Variants in PROKR2 observed in about 807,000 individuals in gnomAD.
PROKR2 encodes prokineticin receptor 2, also known as G protein-coupled receptor 73-like 1.
Under a neutral mutation model 23.4 loss-of-function variants are expected in PROKR2, and 26 were observed. The observed-to-expected ratio is 1.11, with a 90% CI of 0.81 to 1.54. PROKR2 has a LOEUF of 1.54. PROKR2 is among the 40% of genes most tolerant of loss of function. The pLI, the probability that PROKR2 is intolerant of heterozygous loss-of-function variation, is 0.00. For missense variants in PROKR2, 453 were observed against 511.5 expected (o/e 0.89, Z 1.10); for synonymous variants, 212 against 201.2 (o/e 1.05, Z -0.45).
chr20:5,302,030 C>T lies in PROKR2; in HGVS notation c.*10G>A. The T allele has an allele frequency of 6.2e-7, 1 of 1,612,400 alleles. No homozygotes were observed. On this transcript the variant is annotated 3_prime_UTR_variant, in exon 3 of 3. Coordinates refer to ENST00000678254, the MANE Select transcript of PROKR2 (RefSeq NM_144773.4). ...TGGACTGGGGTTTTCAATTGTGTGA[C>T]ACCAGTGGGTCACTTCAGCCTGATA... is the stretch of plus-strand genomic sequence containing the variant.
rs143268508 is a variant in PROKR2 at position 5,301,430 on chromosome 20, C to G, written c.*610G>C. Among the ~76,000 whole-genome samples, 776 of 152,262 alleles carry G rather than the reference C, an allele frequency of 5.1e-3. 10 individuals are homozygous for G. Among genetic ancestry groups the G allele is most frequent in the African/African-American group, 0.018 (738 of 41,530 alleles). On this transcript the variant is annotated 3_prime_UTR_variant, in exon 3 of 3. Transcript: ENST00000678254. ...TATTTTTAGTAGAGACAGGGTTTCACCATGTTGGCCAGCCTGGGTTGAACT... is the reference window on the plus strand; with the variant it reads ...TATTTTTAGTAGAGACAGGGTTTCAGCATGTTGGCCAGCCTGGGTTGAACT...
chr20:5,315,468 C>T (rs1303600210), intron 1 of PROKR2, among the ~76,000 whole-genome samples: 1 of 152,084 alleles, frequency 6.6e-6, no homozygotes, highest in Non-Finnish European at 1.5e-5. Flanking sequence ...GCCCAGATCC[C>T]AACACCTATA....
Position 5,301,913 on chromosome 20 carries a change from A to G in PROKR2, c.*127T>C, listed in dbSNP as rs3746680. 595,171 of 800,984 alleles carry G rather than the reference A, an allele frequency of 0.74. 221,746 individuals carry two copies. Among genetic ancestry groups the G allele is most frequent in the Middle Eastern group, 0.79 (3,069 of 3,876 alleles). 49.6% of individuals were successfully genotyped at this position (800,984 alleles called of 1,614,324 possible). A position where few individuals can be genotyped will look rare whatever the true frequency, so the allele number is the denominator to read the frequency against. ...TGTATGTTACGACTTTGCAGCATTC[A>G]GCTTCTTGAGGGCACGGGGGAGGCA... On this transcript the variant is annotated 3_prime_UTR_variant, in exon 3 of 3. Transcript: ENST00000678254.
In PROKR2 at chr20:5,299,360, G is replaced by C. The variant is rs943222260; in HGVS notation, c.*2680C>G. ...AGTTGGTATATTCTAGGACAAAAAG[G>C]AACAGGGTGATGAATCCTGCTGACA... On this transcript the variant is annotated 3_prime_UTR_variant, in exon 3 of 3. Coordinates refer to ENST00000678254, the MANE Select transcript of PROKR2 (RefSeq NM_144773.4). Among the ~76,000 whole-genome samples, 2 of 152,160 alleles carry C rather than the reference G, an allele frequency of 1.3e-5. No homozygotes were observed. The highest frequency in any genetic ancestry group is 4.8e-5 in the African/African-American group (2 of 41,522).
At chr20:5,313,180 A>G (rs1979506927) in intron 2 of PROKR2, among the ~76,000 whole-genome samples, 1 of 152,260 alleles carries the variant, frequency 6.6e-6, no homozygotes, top group Non-Finnish European at 1.5e-5. Context: ...GCAAAAAATA[A>G]AATAATAAAT....
chr20:5,314,046 G>C lies in PROKR2; in HGVS notation c.324C>G (p.Pro108=). 6.2e-7 allele frequency: 1 copy of C among 1,614,216 alleles called. No homozygotes were observed. Among genetic ancestry groups the C allele is most frequent in the East Asian group, 2.2e-5 (1 of 44,882 alleles). ...SDFLVAIICC[P]FEMDYYVVRQ... ...GTACCACGTAGTAGTCCATCTCGAA[G>C]GGGCAGCAGATGATGGCCACCAGGA... is the stretch of plus-strand genomic sequence containing the variant. Residue 108 remains proline (P), a synonymous_variant, in exon 2 of 3, where the codon CCC becomes CCG. Coordinates refer to ENST00000678254, the MANE Select transcript of PROKR2 (RefSeq NM_144773.4).
rs929729825 is a variant in PROKR2, at chr20:5,316,544, G to C, written c.-59C>G. The C allele has an allele frequency of 4.5e-5, 16 of 359,434 alleles. No individual in the cohort carries two copies. The highest frequency in any genetic ancestry group is 7.2e-5 in the Non-Finnish European group (13 of 179,634). The allele number at this position is 359,434 out of a possible 1,614,324, so 22.3% of individuals were successfully genotyped here. ...GCTCTGCTGCTCCGGAAGCCGGATC[G>C]AGAGTCACAGTGTGGTTGGGCGCAG... is the stretch of plus-strand genomic sequence containing the variant. On this transcript the variant is annotated 5_prime_UTR_variant, in exon 1 of 3. Transcript: ENST00000678254. The surrounding 1 kb of genome is among the most constrained non-coding windows in gnomAD (Gnocchi z 5.0).
intron 2 of PROKR2, 90 bp from the exon 3 acceptor site, chr20:5,302,826 C>T: frequency 1.1e-6 from 1 of 917,428 alleles, no homozygotes; most frequent in Non-Finnish European, 1.8e-6. Context: ...AAAGCAGTGG[C>T]ACAGTGAATC....
rs960426502 is a variant in PROKR2, at chr20:5,301,199, C to A, written c.*841G>T. ...TGTGTCTAAGAGTCTTCTTCTATAG[C>A]CGTTGGTTGTTGTTGTTGTTGTTTT... On this transcript the variant is annotated 3_prime_UTR_variant, in exon 3 of 3. Coordinates refer to ENST00000678254, the MANE Select transcript of PROKR2 (RefSeq NM_144773.4). Among the ~76,000 whole-genome samples the A allele has an allele frequency of 7.2e-6, 1 of 138,486 alleles. No homozygotes were observed. The highest frequency in any genetic ancestry group is 2.7e-5 in the African/African-American group (1 of 36,554). 90.9% of individuals were successfully genotyped at this position (138,486 alleles called of 152,430 possible). A position where few individuals can be genotyped will look rare whatever the true frequency, so the allele number is the denominator to read the frequency against.
rs994572766 is a variant in PROKR2, at chr20:5,300,287, G to A, written c.*1753C>T. ...GACTGTCAACACTTCTAAGACCGCA[G>A]GGATGCTGAGAGTCTTGGGGTCACT... On this transcript the variant is annotated 3_prime_UTR_variant, in exon 3 of 3. Transcript: ENST00000678254. 2.0e-5 allele frequency among the ~76,000 whole-genome samples: 3 copies of A among 152,208 alleles called. No homozygotes were observed. The highest frequency in any genetic ancestry group is 4.4e-5 in the Non-Finnish European group (3 of 68,040).
At position 5,300,334 on chromosome 20, in the gene PROKR2, C is replaced by T. The variant is rs1022468583; in HGVS notation, c.*1706G>A. Among the ~76,000 whole-genome samples the T allele has an allele frequency of 6.6e-6, 1 of 152,084 alleles. No homozygotes were observed. Among genetic ancestry groups the T allele is most frequent in the Non-Finnish European group, 1.5e-5 (1 of 68,014 alleles). ...CACTGAGAATCTGAGGTTAAATTTC[C>T]CAGATTATAACCAAGAACAGGGATC... On this transcript the variant is annotated 3_prime_UTR_variant, in exon 3 of 3. Transcript: ENST00000678254.
rs1428140954 is a variant in PROKR2, at chr20:5,302,512, A to G, written c.683T>C (p.Phe228Ser). 6 of 1,614,242 alleles carry G rather than the reference A, an allele frequency of 3.7e-6. No individual in the cohort carries two copies. The highest frequency in any genetic ancestry group is 2.2e-5 in the South Asian group (2 of 91,088). Reference sequence around the variant, plus strand: ...CACAGGGCCCACGAACTCGACACCAAAGATGAAGAGGAAGTAGGACTTGTA... The same window carrying G: ...CACAGGGCCCACGAACTCGACACCAGAGATGAAGAGGAAGTAGGACTTGTA... ...LYYKSYFLFI[F>S]GVEFVGPVVT... The change falls in exon 3 of 3, where the codon TTT becomes TCT. Residue 228 changes from phenylalanine to serine, a missense_variant. By Grantham distance (155) the Phe-to-Ser change is radical. Transcript: ENST00000678254.
chr20:5,311,482 C>G (rs904853394), intron 2 of PROKR2, among the ~76,000 whole-genome samples: 5 of 152,118 alleles, frequency 3.3e-5, no homozygotes, highest in Non-Finnish European at 7.4e-5. Flanking sequence ...AAAATGAAAC[C>G]AAACCAAACC....
At chr20:5,313,776 G>T in intron 2 of PROKR2, 136 bp downstream of exon 2, 1 of 781,538 alleles carries the variant, frequency 1.3e-6, no homozygotes, top group Non-Finnish European at 2.1e-6. Flanking sequence ...AACTCAACTG[G>T]AGAAACAAGA....
intron 2 of PROKR2, among the ~76,000 whole-genome samples, chr20:5,307,849 G>T (rs577631024): frequency 3.9e-5 from 6 of 152,256 alleles, no homozygotes; most frequent in African/African-American, 1.4e-4. Context: ...TCAAAATTTG[G>T]GAAATAATAA....
Position 5,314,280 on chromosome 20 carries a change from A to G in PROKR2, c.90T>C (p.Tyr30=), listed in dbSNP as rs376513173. ...HASSLSFNFS[Y]GDYDLPMDED... ...CATCCATAGGGAGGTCATAATCACC[A>G]TAACTGAAGTTAAAGGAGAGGGAGG... is the stretch of plus-strand genomic sequence containing the variant. Residue 30 remains tyrosine (Y), a synonymous_variant, in exon 2 of 3, where the codon TAT becomes TAC. Coordinates refer to ENST00000678254, the MANE Select transcript of PROKR2 (RefSeq NM_144773.4). The G allele has an allele frequency of 2.5e-6, 4 of 1,614,222 alleles. No individual in the cohort carries two copies.
rs374365953 is a variant in PROKR2, at chr20:5,313,887, C to A, written c.458+25G>T. ...AAGAGACAGCCTGGCCCAGCCCCAC[C>A]ACTCACCCCACCCACCATCCTCACC... On this transcript the variant is annotated intron_variant, in intron 2 of 2. Coordinates refer to ENST00000678254, the MANE Select transcript of PROKR2 (RefSeq NM_144773.4). 8 of 1,599,710 alleles carry A rather than the reference C, an allele frequency of 5.0e-6. No individual in the cohort carries two copies. The African/African-American group carries it at 8.0e-5, about 16-fold the overall frequency.
chr20:5,306,906 A>G (rs6053277), intron 2 of PROKR2, among the ~76,000 whole-genome samples: 120,787 of 152,176 alleles, frequency 0.79, 48,265 homozygotes, highest in African/African-American at 0.91. Flanking sequence ...TGCAAAGACA[A>G]AAGCAGAATA....
At chr20:5,310,548 T>G (rs1395377701) in intron 2 of PROKR2, among the ~76,000 whole-genome samples, 1 of 135,378 alleles carries the variant, frequency 7.4e-6, no homozygotes, top group African/African-American at 2.8e-5. Flanking sequence ...GCATTTTGCT[T>G]TATTTTTTTC....
Sources: gnomAD v4.1 joint callset for allele counts (sites outside exome capture counted in the v4.1 genomes callset) on GRCh38, gnomAD v4.1.1 for gene constraint, Gnocchi (gnomAD v3.1) non-coding constraint, MANE v1.5 for transcripts, NCBI Gene and HGNC (gene_info 2026-07-23, HGNC 2026-07-21) for gene names.